Variants in FKBP5 observed in about 807,000 individuals in gnomAD.
FKBP5 encodes the protein peptidyl-prolyl cis-trans isomerase FKBP5.
FKBP5 carries 23 observed loss-of-function variants against 50.5 expected under a neutral mutation model. That is an observed-to-expected ratio of 0.46 (90% CI 0.33 to 0.65). The LOEUF (loss-of-function observed/expected upper bound fraction) is 0.65, where lower values mean the gene tolerates loss of function less well. Ranked by LOEUF, FKBP5 falls within the 30% of genes least tolerant of loss-of-function variation. FKBP5 has a pLI of 0.02. For synonymous variants in FKBP5, 176 were observed against 190.6 expected (o/e 0.92, Z 0.63); for missense variants, 411 against 553.1 (o/e 0.74, Z 2.58).
chr6:35,601,503 C>A (rs183665971), intron 5 of FKBP5, among the ~76,000 whole-genome samples: 2 of 152,152 alleles, frequency 1.3e-5, no homozygotes, highest in Admixed American at 1.3e-4. Flanking sequence ...GCCCTGATTG[C>A]AGTAACAGAT....
chr6:35,725,589 T>C (rs1250578943), intron 1 of FKBP5, among the ~76,000 whole-genome samples: 1 of 151,762 alleles, frequency 6.6e-6, no homozygotes, highest in Non-Finnish European at 1.5e-5. Context: ...CCAGCAAGAG[T>C]TTAGAACCTA....
At chr6:35,650,819 T>C (rs910428132) in intron 1 of FKBP5, among the ~76,000 whole-genome samples, 4 of 152,184 alleles carry the variant, frequency 2.6e-5, no homozygotes, top group Non-Finnish European at 5.9e-5. Flanking sequence ...CCACCAACCA[T>C]GGTTCCCAGT....
intron 5 of FKBP5, among the ~76,000 whole-genome samples, chr6:35,602,359 G>A (rs190418447): frequency 2.0e-5 from 3 of 152,142 alleles, no homozygotes; most frequent in African/African-American, 7.2e-5. Context: ...AATTATAGTA[G>A]TTGGTGTCTG....
chr6:35,577,729 AACGGGGCC>A (rs1304607649), intron 9 of FKBP5, among the ~76,000 whole-genome samples: 2 of 152,372 alleles, frequency 1.3e-5, no homozygotes, highest in African/African-American at 4.8e-5. Flanking sequence ...CTTTAAAATA[AACGGGGCC>A]AGGATGGCAG....
At chr6:35,716,598 T>C (rs537651626) in intron 2 of FKBP5, among the ~76,000 whole-genome samples, 17 of 152,214 alleles carry the variant, frequency 1.1e-4, no homozygotes, top group Non-Finnish European at 2.1e-4. Flanking sequence ...CCCCTCACCC[T>C]TCCTACCTGC....
chr6:35,673,009 G>A (rs182481994), intron 1 of FKBP5, among the ~76,000 whole-genome samples: 2 of 152,178 alleles, frequency 1.3e-5, no homozygotes, highest in East Asian at 1.9e-4. Flanking sequence ...TTAAACATAC[G>A]TTTCCAGGGA....
chr6:35,680,804 A>G (rs1765643744), intron 1 of FKBP5, among the ~76,000 whole-genome samples: 2 of 152,256 alleles, frequency 1.3e-5, no homozygotes. Flanking sequence ...TCTTTGCAAC[A>G]GCTAGCACAT....
chr6:35,671,888 A>G (rs1363687337), intron 1 of FKBP5, among the ~76,000 whole-genome samples: 1 of 150,288 alleles, frequency 6.7e-6, no homozygotes, highest in Non-Finnish European at 1.5e-5. Flanking sequence ...TTTTTTTTTG[A>G]GACGGAGTCT....
At chr6:35,586,902 A>G in intron 8 of FKBP5, 132 bp downstream of exon 8, 1 of 1,521,194 alleles carries the variant, frequency 6.6e-7, no homozygotes, top group African/African-American at 1.4e-5. Context: ...TGAAAATGAC[A>G]GATTTATAAA....
At chr6:35,718,071 C>G (rs1766543786) in intron 2 of FKBP5, among the ~76,000 whole-genome samples, 1 of 152,158 alleles carries the variant, frequency 6.6e-6, no homozygotes, top group Admixed American at 6.5e-5. Flanking sequence ...TGTCTCTGTT[C>G]TAGTAGTGGA....
intron 1 of FKBP5, among the ~76,000 whole-genome samples, chr6:35,659,155 G>C (rs77253887): frequency 0.11 from 9,173 of 84,110 alleles, 3,519 homozygotes; most frequent in East Asian, 0.17. Flanking sequence ...ATTTTATGGA[G>C]GAGTTTGTGT....
intron 1 of FKBP5, among the ~76,000 whole-genome samples, chr6:35,687,300 T>G (rs1765855169): frequency 6.6e-6 from 1 of 152,112 alleles, no homozygotes; most frequent in African/African-American, 2.4e-5. Flanking sequence ...TCTAAATTGG[T>G]CAGGGCCATA....
At chr6:35,579,891 GAAAC>G in intron 9 of FKBP5, 141 bp downstream of exon 9, 2 of 605,336 alleles carry the variant, frequency 3.3e-6, no homozygotes, top group East Asian at 2.9e-5. Context: ...TTCATACTGA[GAAAC>G]AAATAATCCC....
intron 1 of FKBP5, among the ~76,000 whole-genome samples, chr6:35,669,519 A>T (rs528029700): frequency 6.6e-6 from 1 of 152,168 alleles, no homozygotes; most frequent in Non-Finnish European, 1.5e-5. Context: ...TCCACAGTCT[A>T]AATACAATAC....
chr6:35,593,801 C>T (rs908789899), intron 6 of FKBP5, among the ~76,000 whole-genome samples: 6 of 151,938 alleles, frequency 3.9e-5, no homozygotes, highest in East Asian at 1.9e-4. Context: ...GTGATCCTCC[C>T]GCCTCGGCCT....
Position 35,637,457 on chromosome 6 carries a change from CTTTTTTTTTTTTTT to C in FKBP5, c.106-313_106-300del, listed in dbSNP as rs71002581. 7.0e-4 allele frequency among the ~76,000 whole-genome samples: 51 copies of C among 73,296 alleles called. No individual in the cohort carries two copies. In the Middle Eastern group the frequency reaches 0.027, roughly 38 times the overall value. The allele number at this position is 73,296 out of a possible 152,430, so 48.1% of individuals were successfully genotyped here. A position where few individuals can be genotyped will look rare whatever the true frequency, so the allele number is the denominator to read the frequency against. ...ATGCCCTATATTTTGACAGTAAACT[CTTTTTTTTTTTTTT>C]TTTTTTTTTTGAGACGGAGTCTTGC... On this transcript the variant is annotated intron_variant, in intron 2 of 10. Coordinates refer to ENST00000357266, the MANE Select transcript of FKBP5 (RefSeq NM_004117.4).
At chr6:35,721,873 G>A (rs1766616741) in intron 1 of FKBP5, among the ~76,000 whole-genome samples, 1 of 152,252 alleles carries the variant, frequency 6.6e-6, no homozygotes, top group Admixed American at 6.5e-5. Context: ...AATCCTTGCA[G>A]AGGATTACTG....
intron 8 of FKBP5, chr6:35,581,249 AATATATATAAATATAAAC>A (rs1762418720): frequency 1.7e-6 from 1 of 601,254 alleles, no homozygotes; most frequent in Non-Finnish European, 2.1e-6. Flanking sequence ...AGTTATATAT[AATATATATAAATATAAAC>A]ATATATAATA....
At chr6:35,670,573 C>CA (rs1581869298) in intron 1 of FKBP5, among the ~76,000 whole-genome samples, 6 of 149,634 alleles carry the variant, frequency 4.0e-5, no homozygotes, top group African/African-American at 4.9e-5. Flanking sequence ...ACTAAAAATA[C>CA]AAAAAAAAAT....
Sources: allele counts gnomAD v4.1 joint callset (sites outside exome capture counted in the v4.1 genomes callset), GRCh38; gene constraint gnomAD v4.1.1; transcripts MANE v1.5; gene names NCBI Gene and HGNC (gene_info 2026-07-23, HGNC 2026-07-21).